FLACC1: variants seen among roughly 807,000 people sequenced by gnomAD.
The protein encoded by FLACC1 is flagellum associated containing coiled-coil domains 1, also known as flagellum-associated coiled-coil domain-containing protein 1.
FLACC1 carries 66 observed loss-of-function variants against 62.8 expected under a neutral mutation model. The ratio of observed to expected loss-of-function variants is 1.05; its 90% CI spans 0.86 to 1.29. The LOEUF is 1.29. Ranked by LOEUF, FLACC1 falls within the 50% of genes most tolerant of loss-of-function variation. The pLI, the probability that FLACC1 is intolerant of heterozygous loss-of-function variation, is 0.00. For missense variants in FLACC1, 452 were observed against 489.1 expected, an observed-to-expected ratio of 0.92 and a Z score of 0.71; for synonymous variants, 156 against 161.0, an observed-to-expected ratio of 0.97 and a Z score of 0.24.
At chr2:201,360,136 G>A (rs1951172771), upstream of FLACC1, among the ~76,000 whole-genome samples, 1 of 152,192 alleles carries the variant, frequency 6.6e-6, no homozygotes, top group Non-Finnish European at 1.5e-5. Context: ...TTCCAAAACA[G>A]CTGAGGAGAA....
chr2:201,333,071 C>G (rs925380813), intron 7 of FLACC1, among the ~76,000 whole-genome samples: 3 of 152,132 alleles, frequency 2.0e-5, no homozygotes, highest in African/African-American at 7.2e-5. Context: ...GGTAAGCACT[C>G]GGAAGTGGGA....
upstream of FLACC1, among the ~76,000 whole-genome samples, chr2:201,358,335 T>C (rs1441337618): frequency 6.6e-6 from 1 of 151,942 alleles, no homozygotes; most frequent in African/African-American, 2.4e-5. Flanking sequence ...CTTGACCTCC[T>C]GGACTCAAGC....
At chr2:201,294,962 C>T (rs1006425482) in intron 12 of FLACC1, among the ~76,000 whole-genome samples, 10 of 152,128 alleles carry the variant, frequency 6.6e-5, no homozygotes, top group Non-Finnish European at 1.0e-4. Flanking sequence ...ATCCAACTCA[C>T]AAGGGATGTG....
intron 9 of FLACC1, among the ~76,000 whole-genome samples, chr2:201,322,635 CA>C (rs1950427682): frequency 6.6e-6 from 1 of 151,978 alleles, no homozygotes; most frequent in African/African-American, 2.4e-5. Flanking sequence ...ATAATCTACC[CA>C]AATGAGGAGG....
At chr2:201,357,783 T>C (rs1951142603), upstream of FLACC1, among the ~76,000 whole-genome samples, 1 of 143,554 alleles carries the variant, frequency 7.0e-6, no homozygotes, top group South Asian at 2.4e-4. Context: ...AGGAATCTTT[T>C]GCAGTCACAA....
chr2:201,349,371 C>T (rs1190987325), intron 3 of FLACC1, among the ~76,000 whole-genome samples: 2 of 152,184 alleles, frequency 1.3e-5, no homozygotes, highest in Non-Finnish European at 2.9e-5. Context: ...CTTGCCCTGA[C>T]CTCTCTACGT....
At chr2:201,308,334 G>C (rs1300383747) in intron 10 of FLACC1, among the ~76,000 whole-genome samples, 1 of 152,150 alleles carries the variant, frequency 6.6e-6, no homozygotes, top group Non-Finnish European at 1.5e-5. Context: ...CCCCAGACAG[G>C]AGCAGCTCCC....
At chr2:201,296,225 C>T (rs146780637) in intron 12 of FLACC1, among the ~76,000 whole-genome samples, 23,734 of 151,774 alleles carry the variant, frequency 0.16, 1,997 homozygotes, top group South Asian at 0.3. Flanking sequence ...ATGTTTATTG[C>T]GGCACTACTC....
intron 4 of FLACC1, among the ~76,000 whole-genome samples, chr2:201,347,058 C>A (rs536986552): frequency 1.3e-4 from 20 of 152,386 alleles, no homozygotes; most frequent in Non-Finnish European, 2.8e-4. Context: ...TCCAGCATCT[C>A]TGTGCCTCAG....
At chr2:201,296,141 G>A (rs1235606068) in intron 12 of FLACC1, among the ~76,000 whole-genome samples, 3 of 152,106 alleles carry the variant, frequency 2.0e-5, no homozygotes, top group Non-Finnish European at 4.4e-5. Flanking sequence ...ATCCCATTTG[G>A]CCCAGCCATC....
intron 10 of FLACC1, 66 bp downstream of exon 10, chr2:201,309,085 A>G: frequency 7.1e-7 from 1 of 1,412,356 alleles, no homozygotes; most frequent in Non-Finnish European, 1.0e-6. Flanking sequence ...CCTCAAGTCA[A>G]GACCAAACTT....
At chr2:201,293,018 AAAGT>A (rs1030748390) in intron 12 of FLACC1, among the ~76,000 whole-genome samples, 4 of 152,230 alleles carry the variant, frequency 2.6e-5, no homozygotes, top group African/African-American at 7.2e-5. Context: ...CCAGATTCAT[AAAGT>A]AAGTCCTTAG....
At position 201,304,514 on chromosome 2, in the gene FLACC1, A is replaced by T. The variant is rs1238814623; in HGVS notation, c.879+3005T>A. 2.6e-5 allele frequency among the ~76,000 whole-genome samples: 4 copies of T among 152,324 alleles called. No individual in the cohort carries two copies. The South Asian group carries it at 8.3e-4, about 32-fold the overall frequency. On this transcript the variant is annotated intron_variant, in intron 11 of 14. Transcript: ENST00000392257. Reference sequence around the variant, plus strand: ...GAAAATGGCCATACTGCCCAAGGTAATTTACAGATTCAATGCCATCCCCAT... The same window carrying T: ...GAAAATGGCCATACTGCCCAAGGTATTTTACAGATTCAATGCCATCCCCAT...
At chr2:201,289,855 C>T (rs779189555) in intron 12 of FLACC1, 70 bp from the exon 13 acceptor site, 2 of 1,611,340 alleles carry the variant, frequency 1.2e-6, no homozygotes, top group South Asian at 2.2e-5. Context: ...TCCAGGGCAC[C>T]TGGACTATGA....
chr2:201,307,466 G>T, intron 11 of FLACC1, 53 bp downstream of exon 11: 1 of 1,383,372 alleles, frequency 7.2e-7, no homozygotes, highest in Non-Finnish European at 1.0e-6. Context: ...GGGGACTTGG[G>T]TGTACCACCT....
At chr2:201,310,503 G>C (rs1456211408) in intron 9 of FLACC1, among the ~76,000 whole-genome samples, 5 of 152,118 alleles carry the variant, frequency 3.3e-5, no homozygotes, top group Admixed American at 3.3e-4. Flanking sequence ...ATGAAGGCTT[G>C]AGGCTTCAGT....
At chr2:201,327,621 C>T (rs1950520383) in intron 9 of FLACC1, among the ~76,000 whole-genome samples, 1 of 152,136 alleles carries the variant, frequency 6.6e-6, no homozygotes. Flanking sequence ...TACCACCTTA[C>T]TCCTGCAAGA....
At chr2:201,349,943 A>G (rs1950992171) in intron 3 of FLACC1, among the ~76,000 whole-genome samples, 1 of 152,214 alleles carries the variant, frequency 6.6e-6, no homozygotes, top group African/African-American at 2.4e-5. Context: ...GGACCCCAAA[A>G]TCTACATGTA....
chr2:201,307,464 GGGT>G (rs1950128712), intron 11 of FLACC1, 52 bp downstream of exon 11: 1 of 1,338,718 alleles, frequency 7.5e-7, no homozygotes, highest in African/African-American at 1.4e-5. Context: ...CTGGGGACTT[GGGT>G]GTACCACCTG....
Sources: allele counts gnomAD v4.1 joint callset (sites outside exome capture counted in the v4.1 genomes callset), GRCh38; gene constraint gnomAD v4.1.1; transcripts MANE v1.5; gene names NCBI Gene and HGNC (gene_info 2026-07-23, HGNC 2026-07-21).